LRRC4C: variants seen among roughly 807,000 people sequenced by gnomAD.
The protein encoded by LRRC4C is leucine rich repeat containing 4C.
LRRC4C carries 5 observed loss-of-function variants against 33.6 expected under a neutral mutation model. The ratio of observed to expected loss-of-function variants is 0.15; its 90% CI spans 0.08 to 0.31. LRRC4C has a LOEUF of 0.31. LRRC4C is among the 10% of genes least tolerant of loss of function. LRRC4C has a pLI of 1.00. For synonymous variants in LRRC4C, 329 were observed against 302.0 expected (o/e 1.09, Z -0.93); for missense variants, 560 against 796.7 (o/e 0.70, Z 3.58).
intron 1 of LRRC4C, among the ~76,000 whole-genome samples, chr11:41,357,054 A>T (rs539737005): frequency 6.6e-6 from 1 of 152,256 alleles, no homozygotes; most frequent in African/African-American, 2.4e-5. Context: ...AAATTAAAAA[A>T]AAATACCAAC....
chr11:40,289,077 A>C (rs1344878057), intron 4 of LRRC4C, among the ~76,000 whole-genome samples: 1 of 152,214 alleles, frequency 6.6e-6, no homozygotes, highest in Non-Finnish European at 1.5e-5. Context: ...GCAGCACTTT[A>C]TATCTAAAAT....
At chr11:40,220,669 AT>A (rs1406145122) in intron 5 of LRRC4C, among the ~76,000 whole-genome samples, 1 of 152,186 alleles carries the variant, frequency 6.6e-6, no homozygotes, top group Admixed American at 6.6e-5. Context: ...TAATAAATTC[AT>A]TTTTTTAACT....
chr11:40,390,998 C>G (rs1409526498), intron 3 of LRRC4C, among the ~76,000 whole-genome samples: 1 of 152,068 alleles, frequency 6.6e-6, no homozygotes, highest in Non-Finnish European at 1.5e-5. Context: ...TGTGGTGCCT[C>G]AGCCTCCGGA....
At chr11:40,560,440 GTT>G (rs1479118864) in intron 3 of LRRC4C, among the ~76,000 whole-genome samples, 2 of 113,754 alleles carry the variant, frequency 1.8e-5, no homozygotes, top group East Asian at 6.7e-4. Flanking sequence ...GTGTGCCTGT[GTT>G]TGTGTGTGTG....
At chr11:40,879,902 A>G (rs749929986) in intron 2 of LRRC4C, among the ~76,000 whole-genome samples, 3 of 152,174 alleles carry the variant, frequency 2.0e-5, no homozygotes, top group Non-Finnish European at 4.4e-5. Context: ...AGTTCTTATG[A>G]TGTGGCATTG....
intron 1 of LRRC4C, among the ~76,000 whole-genome samples, chr11:41,214,803 A>G (rs1283521603): frequency 1.4e-5 from 2 of 146,160 alleles, no homozygotes; most frequent in South Asian, 4.2e-4. Context: ...GTGTATATAT[A>G]TGTGTGTGTG....
intron 3 of LRRC4C, among the ~76,000 whole-genome samples, chr11:40,344,683 G>T (rs919272436): frequency 6.6e-6 from 1 of 152,028 alleles, no homozygotes; most frequent in Non-Finnish European, 1.5e-5. Flanking sequence ...GAAATAAAAT[G>T]CATTCAAGTA....
intron 1 of LRRC4C, among the ~76,000 whole-genome samples, chr11:41,087,592 T>C (rs912312126): frequency 6.6e-6 from 1 of 152,102 alleles, no homozygotes; most frequent in Non-Finnish European, 1.5e-5. Context: ...GCCTCCAAAG[T>C]AGCTGGAACT....
At chr11:40,162,792 T>C (rs374848206) in intron 5 of LRRC4C, among the ~76,000 whole-genome samples, 2 of 152,330 alleles carry the variant, frequency 1.3e-5, no homozygotes, top group South Asian at 4.1e-4. Flanking sequence ...AGTTGATAAG[T>C]AGCAAAGCCA....
chr11:41,200,430 T>C (rs533410053), intron 1 of LRRC4C, among the ~76,000 whole-genome samples: 2 of 152,334 alleles, frequency 1.3e-5, no homozygotes, highest in Admixed American at 1.3e-4. Flanking sequence ...TATCTGGTTC[T>C]GCATTTTTTT....
intron 3 of LRRC4C, among the ~76,000 whole-genome samples, chr11:40,550,141 G>A (rs1344475231): frequency 6.6e-6 from 1 of 152,062 alleles, no homozygotes; most frequent in Non-Finnish European, 1.5e-5. Context: ...ATTATACAGT[G>A]AGAGGTCAAC....
At chr11:41,074,911 G>A (rs1590443779) in intron 1 of LRRC4C, among the ~76,000 whole-genome samples, 1 of 151,848 alleles carries the variant, frequency 6.6e-6, no homozygotes, top group Non-Finnish European at 1.5e-5. Flanking sequence ...AACGAAATGG[G>A]CTTCAATGGT....
intron 5 of LRRC4C, among the ~76,000 whole-genome samples, chr11:40,224,013 T>A (rs899055180): frequency 6.6e-6 from 1 of 152,214 alleles, no homozygotes; most frequent in Non-Finnish European, 1.5e-5. Flanking sequence ...GATATGTAGT[T>A]TGTAAAGCTT....
intron 2 of LRRC4C, among the ~76,000 whole-genome samples, chr11:40,822,652 T>C (rs1332365483): frequency 6.6e-6 from 1 of 151,824 alleles, no homozygotes; most frequent in Non-Finnish European, 1.5e-5. Context: ...GGTGGTTTTC[T>C]TTGCTGTGCA....
At chr11:40,456,557 C>G (rs1952140564) in intron 3 of LRRC4C, among the ~76,000 whole-genome samples, 1 of 151,664 alleles carries the variant, frequency 6.6e-6, no homozygotes, top group Non-Finnish European at 1.5e-5. Context: ...TCAATGATTT[C>G]TAAATGAAGT....
chr11:40,445,268 CCT>C (rs1951579053), intron 3 of LRRC4C: 1 of 152,186 alleles, frequency 6.6e-6, no homozygotes, highest in African/African-American at 2.4e-5. Flanking sequence ...TTATTGCACC[CCT>C]GTGTTAACTT....
intron 1 of LRRC4C, among the ~76,000 whole-genome samples, chr11:40,943,902 A>G (rs905026563): frequency 6.6e-5 from 10 of 152,176 alleles, no homozygotes; most frequent in Non-Finnish European, 1.3e-4. Context: ...CCCCAATTTC[A>G]CTTCCAGAAA....
At chr11:40,599,067 A>C (rs565436182) in intron 3 of LRRC4C, among the ~76,000 whole-genome samples, 1 of 152,256 alleles carries the variant, frequency 6.6e-6, no homozygotes, top group Non-Finnish European at 1.5e-5. Flanking sequence ...TTCAAGGCTC[A>C]GGACATTTAC....
At chr11:40,718,790 C>G (rs1234612509) in intron 2 of LRRC4C, among the ~76,000 whole-genome samples, 1 of 152,112 alleles carries the variant, frequency 6.6e-6, no homozygotes, top group African/African-American at 2.4e-5. Context: ...ATACAGACAT[C>G]TCTTACTTTC....
Sources: gnomAD v4.1 joint callset for allele counts (sites outside exome capture counted in the v4.1 genomes callset) on GRCh38, gnomAD v4.1.1 for gene constraint, MANE v1.5 for transcripts, NCBI Gene and HGNC (gene_info 2026-07-23, HGNC 2026-07-21) for gene names.